ERBB4: variants seen among roughly 807,000 people sequenced by gnomAD.
The protein encoded by ERBB4 is receptor tyrosine-protein kinase erbB-4.
A neutral mutation model predicts 158.0 loss-of-function variants in ERBB4; 42 were observed. The ratio of observed to expected loss-of-function variants is 0.27; its 90% CI spans 0.21 to 0.34. The LOEUF (loss-of-function observed/expected upper bound fraction) is 0.34, where lower values mean the gene tolerates loss of function less well. Among genes scored for constraint, ERBB4 ranks in the 10% least tolerant of loss-of-function variants. The probability of loss-of-function intolerance (pLI) is 1.00; values close to 1 mark genes in which losing one functional copy is unlikely to be tolerated. For synonymous variants in ERBB4, 583 were observed against 558.7 expected (o/e 1.04, Z -0.61); for missense variants, 1,333 against 1,624.1 (o/e 0.82, Z 3.08).
chr2:211,786,703 A>C (rs916643971), intron 4 of ERBB4, among the ~76,000 whole-genome samples: 5 of 152,160 alleles, frequency 3.3e-5, no homozygotes, highest in Non-Finnish European at 7.4e-5. Context: ...CATGCCTTAC[A>C]GACCAGTCAG....
At chr2:211,669,123 T>A (rs1278860419) in intron 14 of ERBB4, among the ~76,000 whole-genome samples, 2 of 146,412 alleles carry the variant, frequency 1.4e-5, no homozygotes, top group Non-Finnish European at 3.0e-5. Flanking sequence ...CTCAGGAGGC[T>A]GAGGCATGAG....
chr2:211,622,050 A>G (rs2069625376), intron 18 of ERBB4, among the ~76,000 whole-genome samples: 1 of 152,230 alleles, frequency 6.6e-6, no homozygotes, highest in South Asian at 2.1e-4. Context: ...GATTGTCAGT[A>G]TGGATCAAAT....
intron 1 of ERBB4, among the ~76,000 whole-genome samples, chr2:212,258,972 T>A (rs1332174412): frequency 6.6e-6 from 1 of 152,116 alleles, no homozygotes; most frequent in Non-Finnish European, 1.5e-5. Flanking sequence ...AGTCTACTGG[T>A]GCTCACCATG....
At chr2:211,717,172 T>G (rs988929744) in intron 7 of ERBB4, among the ~76,000 whole-genome samples, 1 of 152,156 alleles carries the variant, frequency 6.6e-6, no homozygotes, top group African/African-American at 2.4e-5. Flanking sequence ...CATCCTAATT[T>G]GAAGGTAGTA....
chr2:211,669,349 A>G (rs981683347), intron 14 of ERBB4, among the ~76,000 whole-genome samples: 1 of 152,024 alleles, frequency 6.6e-6, no homozygotes, highest in African/African-American at 2.4e-5. Flanking sequence ...CAGCAGCACA[A>G]CCTTTATTAA....
chr2:212,465,818 A>G (rs1418926918), intron 1 of ERBB4, among the ~76,000 whole-genome samples: 1 of 152,176 alleles, frequency 6.6e-6, no homozygotes, highest in Non-Finnish European at 1.5e-5. Flanking sequence ...TTCCCCATCC[A>G]CAGTCTATTC....
intron 2 of ERBB4, among the ~76,000 whole-genome samples, chr2:211,961,220 T>C (rs566254612): frequency 2.0e-5 from 3 of 152,234 alleles, no homozygotes; most frequent in African/African-American, 7.2e-5. Context: ...CCTGCATTGG[T>C]GTGTACCAGC....
At position 211,819,702 on chromosome 2, in the gene ERBB4, T is replaced by TA. The variant is rs2105937900; in HGVS notation, c.422-31544dup. ...CAAGTAATTCTGAGATGGTAAGTGGTATGTTTTAATTGTTAGGATAGTGAA... is the reference window on the plus strand; with the variant it reads ...CAAGTAATTCTGAGATGGTAAGTGGTAATGTTTTAATTGTTAGGATAGTGAA... On this transcript the variant is annotated intron_variant, in intron 3 of 27. Transcript: ENST00000342788. 2.0e-5 allele frequency among the ~76,000 whole-genome samples: 3 copies of TA among 152,014 alleles called. No homozygotes were observed. The South Asian group carries it at 6.2e-4, about 32-fold the overall frequency.
intron 1 of ERBB4, among the ~76,000 whole-genome samples, chr2:212,511,598 AATAG>A (rs1691522712): frequency 6.6e-6 from 1 of 152,210 alleles, no homozygotes; most frequent in Non-Finnish European, 1.5e-5. Flanking sequence ...CTGTGAAACG[AATAG>A]ATACTTATTT....
At chr2:212,493,107 T>C (rs1005126470) in intron 1 of ERBB4, among the ~76,000 whole-genome samples, 4 of 151,518 alleles carry the variant, frequency 2.6e-5, no homozygotes, top group Non-Finnish European at 5.9e-5. Flanking sequence ...GGTGTACCTA[T>C]ACTTATAAAT....
chr2:211,973,395 G>C (rs1342411805), intron 2 of ERBB4, among the ~76,000 whole-genome samples: 1 of 152,002 alleles, frequency 6.6e-6, no homozygotes, highest in African/African-American at 2.4e-5. Context: ...TAGAGACGGG[G>C]TTTCACCATG....
intron 2 of ERBB4, among the ~76,000 whole-genome samples, chr2:211,950,311 G>C (rs534979404): frequency 2.8e-4 from 42 of 152,134 alleles, no homozygotes; most frequent in Admixed American, 1.1e-3. Flanking sequence ...ATGTAGGCTA[G>C]AGTGTTCAAA....
chr2:211,565,362 G>T (rs1286730812), intron 19 of ERBB4, among the ~76,000 whole-genome samples: 1 of 152,084 alleles, frequency 6.6e-6, no homozygotes, highest in Non-Finnish European at 1.5e-5. Context: ...ACCATTGCTG[G>T]TTGCAAAAAG....
intron 1 of ERBB4, among the ~76,000 whole-genome samples, chr2:212,510,205 G>GTGTATATATATATATATA (rs1691436476): frequency 7.7e-6 from 1 of 130,474 alleles, no homozygotes; most frequent in African/African-American, 3.0e-5. Context: ...TAACCACACA[G>GTGTATATATATATATATA]TATATATATA....
chr2:211,632,644 T>A (rs147703608), intron 16 of ERBB4, among the ~76,000 whole-genome samples: 14 of 152,216 alleles, frequency 9.2e-5, no homozygotes, highest in African/African-American at 3.4e-4. Flanking sequence ...GTTGTTGTTA[T>A]TTTTTAAGAA....
chr2:212,105,343 C>A (rs2079193758), intron 2 of ERBB4, among the ~76,000 whole-genome samples: 1 of 152,110 alleles, frequency 6.6e-6, no homozygotes, highest in African/African-American at 2.4e-5. Flanking sequence ...TTACATAGCA[C>A]TGAATTGCAT....
At chr2:211,564,793 C>T (rs1004015692) in intron 19 of ERBB4, among the ~76,000 whole-genome samples, 27 of 152,106 alleles carry the variant, frequency 1.8e-4, no homozygotes, top group African/African-American at 5.3e-4. Context: ...ATACAACAAA[C>T]GGAAATAGCA....
rs56391296 is a variant in ERBB4, at chr2:211,418,084, A to AT, written c.3135+2356dup. On this transcript the variant is annotated intron_variant, in intron 25 of 27. Coordinates refer to ENST00000342788, the MANE Select transcript of ERBB4 (RefSeq NM_005235.3). ...GGAGCCTATATTTTCAAAATGCATTATTTTTTTTTTTTTTGGTTTCAAAGT... is the reference window on the plus strand; with the variant it reads ...GGAGCCTATATTTTCAAAATGCATTATTTTTTTTTTTTTTTGGTTTCAAAGT... Among the ~76,000 whole-genome samples, 278 of 147,268 alleles carry AT rather than the reference A, an allele frequency of 1.9e-3. 4 individuals are homozygous for AT. The Middle Eastern group carries it at 0.026, about 14-fold the overall frequency.
At chr2:211,512,445 C>G (rs939017656) in intron 20 of ERBB4, among the ~76,000 whole-genome samples, 4 of 102,608 alleles carry the variant, frequency 3.9e-5, no homozygotes, top group Admixed American at 3.6e-4. Flanking sequence ...AAACCAAAAT[C>G]TCAAAAAAAA....
Sources: allele counts gnomAD v4.1 joint callset (sites outside exome capture counted in the v4.1 genomes callset), GRCh38; gene constraint gnomAD v4.1.1; transcripts MANE v1.5; gene names NCBI Gene and HGNC (gene_info 2026-07-23, HGNC 2026-07-21).